The following GRK7 variants were observed in gnomAD, a reference collection of about 807,000 sequenced individuals.
The protein encoded by GRK7 is G protein-coupled receptor kinase 7, also known as rhodopsin kinase GRK7.
In GRK7, 24 loss-of-function variants were observed where a neutral mutation model predicts 34.1. The observed-to-expected ratio is 0.70, with a 90% CI of 0.51 to 0.99. The LOEUF is 0.99. Among genes scored for constraint, GRK7 ranks in the 50% least tolerant of loss-of-function variants. GRK7 has a pLI of 0.00. For missense variants in GRK7, 644 were observed against 707.3 expected (o/e 0.91, Z 1.02); for synonymous variants, 256 against 279.4 (o/e 0.92, Z 0.84).
In GRK7 at chr3:141,816,867, G is replaced by A. The variant is rs773890682; in HGVS notation, c.1479G>A (p.Arg493=). The A allele has an allele frequency of 3.7e-6, 6 of 1,614,134 alleles. No individual in the cohort carries two copies. Among genetic ancestry groups the A allele is most frequent in the South Asian group, 1.1e-5 (1 of 91,076 alleles). ...AAATTGATGATTTCTCTGAGGTTCG[G>A]GGGGTGGAATTTGATGACAAAGATA... ...IAEIDDFSEV[R]GVEFDDKDKQ... The change falls in exon 6 of 6, where the codon CGG becomes CGA. Residue 493 remains arginine (R), a synonymous_variant. Transcript: ENST00000682958.
intron 5 of GRK7, among the ~76,000 whole-genome samples, chr3:141,814,900 T>G (rs367895977): frequency 3.8e-4 from 57 of 151,606 alleles, no homozygotes; most frequent in Middle Eastern, 3.4e-3. Context: ...TGTTTGTTTG[T>G]TTGGTTGGTT....
intron 1 of GRK7, among the ~76,000 whole-genome samples, chr3:141,774,350 A>C (rs993472441): frequency 2.0e-5 from 3 of 152,106 alleles, no homozygotes; most frequent in African/African-American, 7.2e-5. Flanking sequence ...TGAGCCCAGG[A>C]GGTTGAGGCT....
In GRK7 at chr3:141,818,666, G is replaced by A. The variant is rs1711179391; in HGVS notation, c.*1616G>A. Among the ~76,000 whole-genome samples, 1 of 152,144 alleles carries A rather than the reference G, an allele frequency of 6.6e-6. No individual in the cohort carries two copies. Among genetic ancestry groups the A allele is most frequent in the Admixed American group, 6.5e-5 (1 of 15,274 alleles). ...ATATTTGGGATACAAATATAAAGCTGAGTGATATTTTTTAAAAGGATGTAT... is the reference window on the plus strand; with the variant it reads ...ATATTTGGGATACAAATATAAAGCTAAGTGATATTTTTTAAAAGGATGTAT... On this transcript the variant is annotated 3_prime_UTR_variant, in exon 6 of 6. Coordinates refer to ENST00000682958, the MANE Select transcript of GRK7 (RefSeq NM_139209.3).
intron 4 of GRK7, among the ~76,000 whole-genome samples, chr3:141,796,944 A>C (rs1387560556): frequency 6.6e-6 from 1 of 151,998 alleles, no homozygotes; most frequent in Non-Finnish European, 1.5e-5. Flanking sequence ...GTCGACACCC[A>C]ATCTGTTTTA....
chr3:141,790,808 C>A (rs188679050), intron 4 of GRK7, among the ~76,000 whole-genome samples: 1 of 152,168 alleles, frequency 6.6e-6, no homozygotes, highest in South Asian at 2.1e-4. Flanking sequence ...AGGTGATCTG[C>A]CCACCTCGGC....
At position 141,778,849 on chromosome 3, in the gene GRK7, A is replaced by G. The variant is rs750928230; in HGVS notation, c.565A>G (p.Lys189Glu). 2 of 1,612,546 alleles carry G rather than the reference A, an allele frequency of 1.2e-6. No individual in the cohort carries two copies. ...KLFEMQPVSDKYFTEFRVLGK... is the reference protein window; with the variant it reads ...KLFEMQPVSDEYFTEFRVLGK... The stretch of plus-strand genomic sequence containing the variant: ...CTTCGAGATGCAACCAGTGTCAGAC[A>G]AGTACTTCACTGAGTTCAGAGTGCT... Residue 189 changes from lysine to glutamate, a missense_variant, in exon 3 of 6, where the codon AAG (lysine) becomes GAG (glutamate). Physicochemically the swap from Lys to Glu is moderately conservative, Grantham distance 56. Transcript: ENST00000682958. This position sits in a 1 kb window ranked among gnomAD's most constrained non-coding sequence, Gnocchi z 4.1.
At chr3:141,808,111 G>T (rs1711055420) in intron 5 of GRK7, among the ~76,000 whole-genome samples, 192 bp downstream of exon 5, 1 of 152,072 alleles carries the variant, frequency 6.6e-6, no homozygotes, top group Non-Finnish European at 1.5e-5. Flanking sequence ...CAATTTCCAA[G>T]ATGTATTTTA....
At chr3:141,802,430 T>A (rs144696134) in intron 4 of GRK7, among the ~76,000 whole-genome samples, 1 of 151,472 alleles carries the variant, frequency 6.6e-6, no homozygotes, top group African/African-American at 2.4e-5. Context: ...TAGACAGCCA[T>A]TGGTTTCTGG....
chr3:141,780,255 A>G (rs2084665141), intron 3 of GRK7, 119 bp from the exon 4 acceptor site: 11 of 810,102 alleles, frequency 1.4e-5, no homozygotes, highest in Non-Finnish European at 1.9e-5. Flanking sequence ...CTTCTTATTT[A>G]CAGCTACTCC....
In GRK7 at chr3:141,778,173, CCACAGGA is replaced by C; in HGVS notation, c.-110_-104del. 7.4e-7 allele frequency: 1 copy of C among 1,360,476 alleles called. No individual in the cohort carries two copies. The highest frequency in any genetic ancestry group is 1.0e-6 in the Non-Finnish European group (1 of 996,330). 84.3% of individuals were successfully genotyped at this position (1,360,476 alleles called of 1,614,324 possible). ...ACCCTCCACGGGTCCCACCCACAGGCCACAGGACTCACTGTAAATCCCTTGGACGTTG... is the reference window on the plus strand; with the variant it reads ...ACCCTCCACGGGTCCCACCCACAGGCCTCACTGTAAATCCCTTGGACGTTG... On this transcript the variant is annotated splice_region_variant and 5_prime_UTR_variant, in exon 3 of 6. Transcript: ENST00000682958. This position sits in a 1 kb window ranked among gnomAD's most constrained non-coding sequence, Gnocchi z 4.1.
intron 1 of GRK7, among the ~76,000 whole-genome samples, 150 bp from the exon 2 acceptor site, chr3:141,774,428 GAA>G (rs1023118820): frequency 6.7e-6 from 1 of 149,520 alleles, no homozygotes; most frequent in African/African-American, 2.5e-5. Flanking sequence ...TCTCAAAAAA[GAA>G]AAAAAAGAAA....
upstream of GRK7, among the ~76,000 whole-genome samples, chr3:141,762,374 G>T (rs956045287): frequency 1.1e-3 from 162 of 145,782 alleles, 1 homozygote; most frequent in Admixed American, 2.1e-3. Context: ...ATACCCTGCC[G>T]TGTGAGGTGT....
chr3:141,780,272 C>A, intron 3 of GRK7, 102 bp from the exon 4 acceptor site: 1 of 972,164 alleles, frequency 1.0e-6, no homozygotes, highest in Non-Finnish European at 1.5e-6. Context: ...CTCCTTTCTC[C>A]AATGCCTAAC....
At chr3:141,782,234 A>C (rs1292352686) in intron 4 of GRK7, among the ~76,000 whole-genome samples, 1 of 152,186 alleles carries the variant, frequency 6.6e-6, no homozygotes, top group African/African-American at 2.4e-5. Context: ...TAAGGTAGTG[A>C]GTGGCCCAGG....
At chr3:141,779,174 A>C (rs575046517) in intron 3 of GRK7, among the ~76,000 whole-genome samples, 1 of 152,266 alleles carries the variant, frequency 6.6e-6, no homozygotes, top group Admixed American at 6.5e-5. Context: ...CACTTCAGAG[A>C]ATGATAGCAA....
At chr3:141,792,002 TAAAA>T (rs11324121) in intron 4 of GRK7, among the ~76,000 whole-genome samples, 4 of 81,498 alleles carry the variant, frequency 4.9e-5, no homozygotes, top group African/African-American at 5.0e-5. Context: ...AGACTCCATC[TAAAA>T]AAAAAAAAAA....
At chr3:141,793,267 C>T (rs2084734018) in intron 4 of GRK7, among the ~76,000 whole-genome samples, 2 of 152,226 alleles carry the variant, frequency 1.3e-5, no homozygotes, top group Admixed American at 1.3e-4. Context: ...GGACTTGCCA[C>T]TGGCATTCAA....
At chr3:141,776,155 C>T (rs558381782) in intron 2 of GRK7, among the ~76,000 whole-genome samples, 3 of 151,924 alleles carry the variant, frequency 2.0e-5, no homozygotes, top group Non-Finnish European at 2.9e-5. Context: ...GGCGCGGTGG[C>T]GGGCACCTGT....
chr3:141,799,226 A>G (rs752011920), intron 4 of GRK7, among the ~76,000 whole-genome samples: 3 of 152,212 alleles, frequency 2.0e-5, no homozygotes, highest in Admixed American at 1.3e-4. Context: ...AGGGGACTCT[A>G]CAAGGGAGAA....
Sources: gnomAD v4.1 joint callset for allele counts (sites outside exome capture counted in the v4.1 genomes callset) on GRCh38, gnomAD v4.1.1 for gene constraint, Gnocchi (gnomAD v3.1) non-coding constraint, MANE v1.5 for transcripts, NCBI Gene and HGNC (gene_info 2026-07-23, HGNC 2026-07-21) for gene names.